PTPN13: variants seen among roughly 807,000 people sequenced by gnomAD.
PTPN13 encodes the protein protein tyrosine phosphatase non-receptor type 13, also known as tyrosine-protein phosphatase non-receptor type 13.
Under a neutral mutation model 284.0 loss-of-function variants are expected in PTPN13, and 191 were observed. That is an observed-to-expected ratio of 0.67 (90% confidence interval 0.60 to 0.76). The LOEUF (loss-of-function observed/expected upper bound fraction) is 0.76. Among genes scored for constraint, PTPN13 ranks in the 30% least tolerant of loss-of-function variants. The pLI is 0.00. For synonymous variants in PTPN13, 986 were observed against 1,022.3 expected (o/e 0.96, Z 0.68); for missense variants, 2,797 against 2,939.9 (o/e 0.95, Z 1.12).
In PTPN13 at chr4:86,757,762, CA is replaced by C. The variant is rs542129918; in HGVS notation, c.3224-482del. On this transcript the variant is annotated intron_variant, in intron 20 of 47. Coordinates refer to ENST00000411767, the MANE Select transcript of PTPN13 (RefSeq NM_080683.3). Reference sequence around the variant, plus strand: ...TGAGTAGCAAAGCAAGACTCTGTCTCAAAAAAAAAAAAAAAATCCAGTTTCC... The same window carrying C: ...TGAGTAGCAAAGCAAGACTCTGTCTCAAAAAAAAAAAAAAATCCAGTTTCC... 7.4e-3 allele frequency among the ~76,000 whole-genome samples: 833 copies of C among 112,386 alleles called. 10 individuals carry two copies. The highest frequency in any genetic ancestry group is 0.015 in the African/African-American group (436 of 28,448). The allele number at this position is 112,386 out of a possible 152,430, so 73.7% of individuals were successfully genotyped here. A position where few individuals can be genotyped will look rare whatever the true frequency, so the allele number is the denominator to read the frequency against.
chr4:86,653,572 TGAAA>T (rs1008068985), intron 2 of PTPN13, among the ~76,000 whole-genome samples: 87 of 152,054 alleles, frequency 5.7e-4, no homozygotes, highest in African/African-American at 1.9e-3. Context: ...ATATGCAACT[TGAAA>T]GTCCAGTTCA....
intron 2 of PTPN13, among the ~76,000 whole-genome samples, chr4:86,646,148 A>G (rs1404961079): frequency 1.3e-5 from 2 of 152,066 alleles, no homozygotes; most frequent in East Asian, 3.8e-4. Context: ...AGGCAGAGAT[A>G]TCTTAAATAA....
At chr4:86,716,031 ACTTGT>A (rs1278229345) in intron 7 of PTPN13, among the ~76,000 whole-genome samples, 5 of 152,168 alleles carry the variant, frequency 3.3e-5, no homozygotes, top group Admixed American at 1.3e-4. Context: ...ATATTGGGGT[ACTTGT>A]CTTCCACATT....
At chr4:86,740,342 G>C (rs1432280227) in intron 15 of PTPN13, among the ~76,000 whole-genome samples, 1 of 152,218 alleles carries the variant, frequency 6.6e-6, no homozygotes, top group Non-Finnish European at 1.5e-5. Flanking sequence ...CCAGACCTCA[G>C]TTCTTGACTT....
intron 6 of PTPN13, among the ~76,000 whole-genome samples, chr4:86,697,400 G>T (rs1730692868): frequency 6.6e-6 from 1 of 152,050 alleles, no homozygotes; most frequent in Non-Finnish European, 1.5e-5. Context: ...TGATTTAATT[G>T]TTCAGCTCAA....
At chr4:86,792,799 A>C (rs1283563078) in intron 40 of PTPN13, among the ~76,000 whole-genome samples, 2 of 152,218 alleles carry the variant, frequency 1.3e-5, no homozygotes, top group Non-Finnish European at 2.9e-5. Context: ...CTTTGCAGAC[A>C]AGCAAATGCT....
At chr4:86,598,294 G>A (rs1404909324) in intron 1 of PTPN13, among the ~76,000 whole-genome samples, 1 of 151,888 alleles carries the variant, frequency 6.6e-6, no homozygotes, top group East Asian at 1.9e-4. Flanking sequence ...ACAGGCGTGT[G>A]CTACCACACC....
rs746257466 is a variant in PTPN13 at position 86,814,475 on chromosome 4, A to G, written c.7382A>G (p.Tyr2461Cys). The change falls in exon 48 of 48, where the codon TAT becomes TGT. Residue 2461 changes from tyrosine to cysteine, a missense_variant. Coordinates refer to ENST00000411767, the MANE Select transcript of PTPN13 (RefSeq NM_080683.3). Reference protein sequence around the residue: ...VQTEDQYIFCYQVILYVLTRL... With the variant: ...VQTEDQYIFCCQVILYVLTRL... Reference sequence around the variant, plus strand: ...CCATAGGATCAATATATTTTCTGCTATCAAGTCATCCTTTATGTCCTGACA... The same window carrying G: ...CCATAGGATCAATATATTTTCTGCTGTCAAGTCATCCTTTATGTCCTGACA... 6.2e-6 allele frequency: 10 copies of G among 1,612,074 alleles called. No individual in the cohort carries two copies. The highest frequency in any genetic ancestry group is 2.2e-5 in the South Asian group (2 of 91,000).
intron 1 of PTPN13, among the ~76,000 whole-genome samples, chr4:86,626,625 T>G (rs1337790474): frequency 6.6e-6 from 1 of 152,090 alleles, no homozygotes; most frequent in Non-Finnish European, 1.5e-5. Flanking sequence ...TTAGTGAGAG[T>G]GCAAAGATGC....
chr4:86,756,972 T>G (rs1214689460), intron 20 of PTPN13, among the ~76,000 whole-genome samples: 2 of 152,150 alleles, frequency 1.3e-5, no homozygotes, highest in African/African-American at 4.8e-5. Context: ...GAAAATTCAC[T>G]TTACAAAAAT....
At position 86,758,455 on chromosome 4, in the gene PTPN13, G is replaced by A. The variant is rs767153713; in HGVS notation, c.3313+106G>A. Reference sequence around the variant, plus strand: ...AGTGCCAGCTCACTTCTGGTCTCAAGATACTGACTGGCTGCCCACCTACAA... The same window carrying A: ...AGTGCCAGCTCACTTCTGGTCTCAAAATACTGACTGGCTGCCCACCTACAA... On this transcript the variant is annotated intron_variant, in intron 21 of 47. Coordinates refer to ENST00000411767, the MANE Select transcript of PTPN13 (RefSeq NM_080683.3). The A allele has an allele frequency of 2.3e-4, 243 of 1,034,152 alleles. 1 individual carries two copies. Among genetic ancestry groups the A allele is most frequent in the Non-Finnish European group, 5.3e-5 (37 of 697,972 alleles). 64.1% of individuals were successfully genotyped at this position (1,034,152 alleles called of 1,614,324 possible).
In PTPN13 at chr4:86,594,345, G is replaced by A. The variant is rs1350421791; in HGVS notation, c.-450G>A. 6.6e-6 allele frequency: 1 copy of A among 152,356 alleles called. No homozygotes were observed. Among genetic ancestry groups the A allele is most frequent in the Non-Finnish European group, 1.5e-5 (1 of 68,106 alleles). The allele number at this position is 152,356 out of a possible 1,614,324, so 9.4% of individuals were successfully genotyped here. A position where few individuals can be genotyped will look rare whatever the true frequency, so the allele number is the denominator to read the frequency against. ...GCTCCAGCGGCCACGCTGAGGCGAG[G>A]GTGACACACCATGCTCACGGCCCCT... On this transcript the variant is annotated 5_prime_UTR_variant, in exon 1 of 48. Coordinates refer to ENST00000411767, the MANE Select transcript of PTPN13 (RefSeq NM_080683.3).
intron 3 of PTPN13, among the ~76,000 whole-genome samples, chr4:86,680,971 G>A (rs994029365): frequency 2.0e-5 from 3 of 152,144 alleles, no homozygotes; most frequent in Non-Finnish European, 4.4e-5. Flanking sequence ...ATAAGGAGTG[G>A]ACCTTACTCT....
intron 17 of PTPN13, among the ~76,000 whole-genome samples, chr4:86,748,336 T>TC (rs1737007598): frequency 6.6e-6 from 1 of 152,158 alleles, no homozygotes; most frequent in African/African-American, 2.4e-5. Flanking sequence ...TGGAGTTCTT[T>TC]CCAGGTAAAA....
At position 86,717,005 on chromosome 4, in the gene PTPN13, C is replaced by G. The variant is rs765066995; in HGVS notation, c.1292-19C>G. 6.4e-7 allele frequency: 1 copy of G among 1,563,028 alleles called. No individual in the cohort carries two copies. The highest frequency in any genetic ancestry group is 8.8e-7 in the Non-Finnish European group (1 of 1,136,568). ...GTTTCTATCACCTGTGCCATTATTT[C>G]TTTTTCATTCATAATTAGTGAGAAG... On this transcript the variant is annotated intron_variant, in intron 8 of 47. Transcript: ENST00000411767.
At chr4:86,767,198 G>T (rs1441964459) in intron 27 of PTPN13, among the ~76,000 whole-genome samples, 3 of 150,346 alleles carry the variant, frequency 2.0e-5, no homozygotes, top group African/African-American at 7.4e-5. Flanking sequence ...CTACCAAAGT[G>T]CTGGGACTAC....
Position 86,762,951 on chromosome 4 carries a change from C to G in PTPN13, c.3778C>G (p.Gln1260Glu). 6.2e-7 allele frequency: 1 copy of G among 1,613,762 alleles called. No homozygotes were observed. The highest frequency in any genetic ancestry group is 2.2e-5 in the East Asian group (1 of 44,858). Residue 1260 changes from glutamine (Q) to glutamate (E), a missense_variant, in exon 24 of 48, where the codon CAG becomes GAG. Physicochemically the swap from Gln to Glu is conservative, Grantham distance 29 (BLOSUM62 2). Transcript: ENST00000411767. ...TGAGAGTGCCAGCTTGTCTCAAAGCCAGGTCAATGGTTTCTTTGCCAGCCA... is the reference window on the plus strand; with the variant it reads ...TGAGAGTGCCAGCTTGTCTCAAAGCGAGGTCAATGGTTTCTTTGCCAGCCA... Reference protein sequence around the residue: ...RTESASLSQSQVNGFFASHLG... With the variant: ...RTESASLSQSEVNGFFASHLG...
chr4:86,621,572 A>G (rs1001206607), intron 1 of PTPN13, among the ~76,000 whole-genome samples: 19 of 152,154 alleles, frequency 1.2e-4, no homozygotes, highest in African/African-American at 4.6e-4. Flanking sequence ...AGCTATTTAC[A>G]GTTTTTATTT....
chr4:86,723,568 T>C (rs1733907904), intron 10 of PTPN13, among the ~76,000 whole-genome samples: 2 of 152,226 alleles, frequency 1.3e-5, no homozygotes, highest in African/African-American at 4.8e-5. Context: ...AGCTAACTCA[T>C]TGCAGATAAC....
Sources: allele counts gnomAD v4.1 joint callset (sites outside exome capture counted in the v4.1 genomes callset), GRCh38; gene constraint gnomAD v4.1.1; transcripts MANE v1.5; gene names NCBI Gene and HGNC (gene_info 2026-07-23, HGNC 2026-07-21).